Variants in DDX60 observed in about 807,000 individuals in gnomAD.
The protein encoded by DDX60 is DExD/H-box helicase 60.
A neutral mutation model predicts 212.8 loss-of-function variants in DDX60; 165 were observed. That is an observed-to-expected ratio of 0.78 (90% CI 0.68 to 0.88). The LOEUF (loss-of-function observed/expected upper bound fraction) is 0.88, where lower values mean the gene tolerates loss of function less well. DDX60 is among the 40% of genes least tolerant of loss of function. DDX60 has a pLI of 0.00. For synonymous variants in DDX60, 703 were observed against 685.3 expected (o/e 1.03, Z -0.40); for missense variants, 1,905 against 2,003.9 (o/e 0.95, Z 0.94).
chr4:168,285,298 A>G, intron 11 of DDX60, 95 bp downstream of exon 11: 1 of 762,640 alleles, frequency 1.3e-6, no homozygotes, highest in African/African-American at 1.8e-5. Context: ...ACTACATGTA[A>G]TGTACTCTAA....
chr4:168,301,256 T>C (rs1736636887), intron 6 of DDX60, among the ~76,000 whole-genome samples: 1 of 152,130 alleles, frequency 6.6e-6, no homozygotes, highest in African/African-American at 2.4e-5. Flanking sequence ...TGGATCCTAG[T>C]TCAATTTGCT....
chr4:168,223,867 T>C (rs778715100), intron 35 of DDX60, among the ~76,000 whole-genome samples: 1 of 152,074 alleles, frequency 6.6e-6, no homozygotes, highest in Non-Finnish European at 1.5e-5. Context: ...TCTAGTTCTT[T>C]GCATTCCATT....
intron 1 of DDX60, among the ~76,000 whole-genome samples, chr4:168,316,096 C>A (rs1224800698): frequency 6.6e-6 from 1 of 151,980 alleles, no homozygotes; most frequent in South Asian, 2.1e-4. Context: ...AGAATGAAGA[C>A]AATCAAAAAA....
intron 14 of DDX60, among the ~76,000 whole-genome samples, chr4:168,277,469 A>G (rs1461152630): frequency 2.0e-5 from 3 of 152,276 alleles, no homozygotes; most frequent in African/African-American, 4.8e-5. Flanking sequence ...TTCATTGCTC[A>G]TTGATAAAAT....
chr4:168,309,064 T>C (rs756350321), intron 3 of DDX60, among the ~76,000 whole-genome samples: 1 of 152,178 alleles, frequency 6.6e-6, no homozygotes, highest in Non-Finnish European at 1.5e-5. Flanking sequence ...TATTAAATCA[T>C]AACTGCATAA....
intron 30 of DDX60, among the ~76,000 whole-genome samples, chr4:168,238,353 C>CCCT (rs546180979): frequency 3.8e-3 from 483 of 125,614 alleles, no homozygotes; most frequent in African/African-American, 0.013. Context: ...GGTTAATGGA[C>CCCT]TAGGAGGAGG....
chr4:168,223,390 A>G (rs1205010152), intron 35 of DDX60, among the ~76,000 whole-genome samples: 1 of 152,096 alleles, frequency 6.6e-6, no homozygotes, highest in East Asian at 1.9e-4. Context: ...TGAGTTGGGT[A>G]AGGTAAATGT....
In DDX60 at chr4:168,246,466, G is replaced by A. The variant is rs1281940311; in HGVS notation, c.4116C>T (p.Leu1372=). The part of the protein sequence containing the change: ...FPLSITLVLR[L]MLLASKGDDP... The stretch of plus-strand genomic sequence containing the variant: ...CATCTCCCTTGGAAGCCAGCAGCAT[G>A]AGTCGCAGGACCAGGGTTATGCTGA... Residue 1372 remains leucine, a synonymous_variant, in exon 30 of 38, where the codon CTC becomes CTT. Transcript: ENST00000393743. 6.2e-7 allele frequency: 1 copy of A among 1,613,944 alleles called. No individual in the cohort carries two copies. The highest frequency in any genetic ancestry group is 1.3e-5 in the African/African-American group (1 of 74,918).
rs1416909540 is a variant in DDX60, at chr4:168,283,549, C to T, written c.1619G>A (p.Arg540Gln). The T allele has an allele frequency of 4.3e-6, 7 of 1,613,178 alleles. No homozygotes were observed. Among genetic ancestry groups the T allele is most frequent in the Admixed American group, 1.7e-5 (1 of 59,956 alleles). ...TGTTTCTAATGAATTCCCATAAAAC[C>T]GTTGGAAAACATGATACTTTTGCAC... ...RSVQKYHVFQ[R>Q]FYGNSLETVS... The change falls in exon 13 of 38, where the codon CGG becomes CAG. Residue 540 changes from arginine to glutamine, a missense_variant. Physicochemically the swap from Arg to Gln is conservative, Grantham distance 43. Transcript: ENST00000393743.
chr4:168,220,542 A>G, intron 37 of DDX60, 113 bp downstream of exon 37: 1 of 611,402 alleles, frequency 1.6e-6, no homozygotes, highest in South Asian at 2.0e-5. Flanking sequence ...CATAGCACAG[A>G]AGAAGCTTAA....
chr4:168,257,164 G>T (rs609430), intron 25 of DDX60, among the ~76,000 whole-genome samples: 65,180 of 151,646 alleles, frequency 0.43, 14,943 homozygotes, highest in African/African-American at 0.61. Context: ...ATTCAAAAAT[G>T]AGCTGGGCGT....
intron 33 of DDX60, among the ~76,000 whole-genome samples, chr4:168,229,978 C>T (rs1324554062): frequency 6.6e-6 from 1 of 151,998 alleles, no homozygotes; most frequent in Non-Finnish European, 1.5e-5. Context: ...TCAAGAGACT[C>T]ACCTAACACA....
Position 168,237,868 on chromosome 4 carries a change from G to T in DDX60, c.4165-73C>A, listed in dbSNP as rs1578983061. On this transcript the variant is annotated intron_variant, in intron 30 of 37. Transcript: ENST00000393743. ...AATACGTTTGAAAATGATAATAAATGATAGATCAATATCTATTATACCACA... is the reference window on the plus strand; with the variant it reads ...AATACGTTTGAAAATGATAATAAATTATAGATCAATATCTATTATACCACA... 52 of 1,132,074 alleles carry T rather than the reference G, an allele frequency of 4.6e-5. 1 individual carries two copies. The East Asian group carries it at 1.3e-3, about 27-fold the overall frequency. The allele number at this position is 1,132,074 out of a possible 1,614,324, so 70.1% of individuals were successfully genotyped here.
intron 16 of DDX60, among the ~76,000 whole-genome samples, chr4:168,274,920 T>C (rs1359210373): frequency 6.6e-6 from 1 of 152,220 alleles, no homozygotes; most frequent in Non-Finnish European, 1.5e-5. Flanking sequence ...ATTAATTTTA[T>C]ATACATTTTT....
chr4:168,234,473 T>C (rs968902008), intron 33 of DDX60, among the ~76,000 whole-genome samples: 7 of 152,136 alleles, frequency 4.6e-5, no homozygotes, highest in East Asian at 1.9e-4. Flanking sequence ...CTGAAATGCA[T>C]ATTCTAATGG....
Position 168,288,307 on chromosome 4 carries a change from C to A in DDX60, c.1050G>T (p.Trp350Cys). 6.8e-7 allele frequency: 1 copy of A among 1,465,422 alleles called. No homozygotes were observed. Among genetic ancestry groups the A allele is most frequent in the Non-Finnish European group, 9.3e-7 (1 of 1,077,254 alleles). The allele number at this position is 1,465,422 out of a possible 1,614,324, so 90.8% of individuals were successfully genotyped here. A position where few individuals can be genotyped will look rare whatever the true frequency, so the allele number is the denominator to read the frequency against. The change falls in exon 9 of 38, where the codon TGG becomes TGT. Residue 350 changes from tryptophan to cysteine, a missense_variant. Physicochemically the swap from Trp to Cys is radical, Grantham distance 215. Coordinates refer to ENST00000393743, the MANE Select transcript of DDX60 (RefSeq NM_017631.6). ...DMKPLLQMKK[W>C]CEYFILRNIH... ...TATTTCTTAAGATGAAATATTCACA[C>A]CACTTTTTCTGAAAATTGAAAAGAA...
chr4:168,261,930 T>A (rs1734639111), intron 24 of DDX60, 70 bp downstream of exon 24: 1 of 1,496,058 alleles, frequency 6.7e-7, no homozygotes. Context: ...CAGAAAATGG[T>A]ATTAACTGAA....
At chr4:168,239,113 T>C (rs1286099191) in intron 30 of DDX60, among the ~76,000 whole-genome samples, 3 of 152,120 alleles carry the variant, frequency 2.0e-5, no homozygotes, top group Non-Finnish European at 4.4e-5. Flanking sequence ...CTTCCTAAAA[T>C]TATGGTGATG....
chr4:168,285,895 G>GA (rs1251265419), intron 10 of DDX60, among the ~76,000 whole-genome samples: 10 of 96,030 alleles, frequency 1.0e-4, no homozygotes, highest in African/African-American at 4.9e-5. Flanking sequence ...AAGGAGGGAA[G>GA]AAAGGAAGGA....
Sources: allele counts gnomAD v4.1 joint callset (sites outside exome capture counted in the v4.1 genomes callset), GRCh38; gene constraint gnomAD v4.1.1; transcripts MANE v1.5; gene names NCBI Gene and HGNC (gene_info 2026-07-23, HGNC 2026-07-21).